Variants in FEZ2 observed in about 807,000 individuals in gnomAD.
The protein encoded by FEZ2 is fasciculation and elongation protein zeta-2.
FEZ2 carries 51 observed loss-of-function variants against 40.4 expected under a neutral mutation model. The observed-to-expected ratio is 1.26, with a 90% confidence interval of 1.01 to 1.59. FEZ2 has a LOEUF of 1.59. FEZ2 is among the 40% of genes most tolerant of loss of function. The pLI, the probability that FEZ2 is intolerant of heterozygous loss-of-function variation, is 0.00. For missense variants in FEZ2, 640 were observed against 438.3 expected (o/e 1.46, Z -4.11); for synonymous variants, 242 against 172.0 (o/e 1.41, Z -3.18).
chr2:36,579,443 T>C (rs986108585), intron 4 of FEZ2, among the ~76,000 whole-genome samples: 4 of 151,916 alleles, frequency 2.6e-5, no homozygotes, highest in Non-Finnish European at 5.9e-5. Flanking sequence ...TGGTGGGAGG[T>C]CACTGGATCA....
intron 1 of FEZ2, among the ~76,000 whole-genome samples, chr2:36,593,844 GTT>G (rs148103426): frequency 2.0e-5 from 3 of 146,914 alleles, no homozygotes; most frequent in African/African-American, 7.4e-5. Flanking sequence ...CAGAAAATGG[GTT>G]TTTTTTTTTT....
At chr2:36,585,019 A>C (rs1338152611) in intron 2 of FEZ2, among the ~76,000 whole-genome samples, 1 of 152,190 alleles carries the variant, frequency 6.6e-6, no homozygotes, top group East Asian at 1.9e-4. Context: ...TCAGCCTAGC[A>C]AAGGCCTGGC....
At position 36,597,949 on chromosome 2, in the gene FEZ2, G is replaced by A. The variant is rs982575915; in HGVS notation, c.194C>T (p.Ser65Leu). 52 of 1,459,408 alleles carry A rather than the reference G, an allele frequency of 3.6e-5. No individual in the cohort carries two copies. The highest frequency in any genetic ancestry group is 5.0e-5 in the Admixed American group (2 of 39,806). 90.4% of individuals were successfully genotyped at this position (1,459,408 alleles called of 1,614,324 possible). The change falls in exon 1 of 8, where the codon TCG (serine) becomes TTG (leucine). Residue 65 changes from serine to leucine, a missense_variant. Physicochemically the swap from Ser to Leu is moderately radical, Grantham distance 145. Transcript: ENST00000405912. ...CCTCGGGGGCTCGGCGCCCGGATCCGAGGGGCGGAAGCACAGGCTCAGCTT... is the reference window on the plus strand; with the variant it reads ...CCTCGGGGGCTCGGCGCCCGGATCCAAGGGGCGGAAGCACAGGCTCAGCTT... Reference protein sequence around the residue: ...EEKLSLCFRPSDPGAEPPRTA... With the variant: ...EEKLSLCFRPLDPGAEPPRTA...
intron 3 of FEZ2, 160 bp from the exon 4 acceptor site, chr2:36,581,591 C>A: frequency 1.6e-6 from 1 of 607,230 alleles, no homozygotes; most frequent in Admixed American, 3.1e-5. Context: ...AAAATTTTTA[C>A]TGTAGGAGTG....
intron 3 of FEZ2, among the ~76,000 whole-genome samples, chr2:36,582,446 T>C (rs559680597): frequency 6.6e-6 from 1 of 152,290 alleles, no homozygotes; most frequent in East Asian, 1.9e-4. Context: ...GAATCTGTTA[T>C]TCTAACTCTT....
intron 4 of FEZ2, 74 bp from the exon 5 acceptor site, chr2:36,578,939 G>T: frequency 8.0e-7 from 1 of 1,252,020 alleles, no homozygotes; most frequent in Non-Finnish European, 1.1e-6. Context: ...GTAGTCACTA[G>T]GAATGACTAA....
intron 5 of FEZ2, among the ~76,000 whole-genome samples, chr2:36,568,858 T>C (rs1668327008): frequency 6.6e-6 from 1 of 152,214 alleles, no homozygotes; most frequent in Admixed American, 6.5e-5. Flanking sequence ...AGTCCTTATC[T>C]GGAAACTTTT....
intron 2 of FEZ2, among the ~76,000 whole-genome samples, chr2:36,583,731 C>T (rs990736269): frequency 8.5e-5 from 13 of 152,206 alleles, no homozygotes; most frequent in African/African-American, 2.2e-4. Context: ...GAAAAAAATA[C>T]GGTATTCATT....
At chr2:36,558,217 A>G (rs1558440508) in intron 6 of FEZ2, 1 of 336,986 alleles carries the variant, frequency 3.0e-6, no homozygotes, top group Non-Finnish European at 5.4e-6. Context: ...AATATTTCAC[A>G]AGGTAAGAAA....
intron 5 of FEZ2, among the ~76,000 whole-genome samples, chr2:36,567,706 G>A (rs1668286807): frequency 6.6e-6 from 1 of 151,138 alleles, no homozygotes; most frequent in African/African-American, 2.4e-5. Context: ...AGGTTGCAGT[G>A]AGCCAAGATC....
chr2:36,585,634 G>C (rs1279009510), intron 2 of FEZ2, among the ~76,000 whole-genome samples: 3 of 152,080 alleles, frequency 2.0e-5, no homozygotes, highest in Admixed American at 6.6e-5. Flanking sequence ...CAAAAAGGCA[G>C]GTAGTATCCT....
chr2:36,571,723 A>G (rs1668417293), intron 5 of FEZ2, among the ~76,000 whole-genome samples: 1 of 146,980 alleles, frequency 6.8e-6, no homozygotes, highest in Non-Finnish European at 1.5e-5. Flanking sequence ...AAGGGGAAAA[A>G]GGCTGGGCAC....
At chr2:36,573,479 T>A (rs187266906) in intron 5 of FEZ2, among the ~76,000 whole-genome samples, 43 of 152,308 alleles carry the variant, frequency 2.8e-4, no homozygotes, top group Admixed American at 5.2e-4. Flanking sequence ...AAATCCCCAA[T>A]AGAACAATAA....
chr2:36,568,837 G>C (rs1668326307), intron 5 of FEZ2, among the ~76,000 whole-genome samples: 1 of 152,170 alleles, frequency 6.6e-6, no homozygotes. Context: ...TGTATTGAAA[G>C]TCTCAAAATC....
At chr2:36,562,137 T>C (rs1668109638) in intron 5 of FEZ2, among the ~76,000 whole-genome samples, 1 of 152,256 alleles carries the variant, frequency 6.6e-6, no homozygotes, top group Admixed American at 6.5e-5. Flanking sequence ...AAGCCAGATG[T>C]TAATGAGATT....
At position 36,576,609 on chromosome 2, in the gene FEZ2, G is replaced by A. The variant is rs542372588; in HGVS notation, c.903+1988C>T. 3.9e-5 allele frequency among the ~76,000 whole-genome samples: 6 copies of A among 152,316 alleles called. No individual in the cohort carries two copies. In the East Asian group the frequency reaches 7.7e-4, roughly 20 times the overall value. On this transcript the variant is annotated intron_variant, in intron 5 of 7. Coordinates refer to ENST00000405912, the MANE Select transcript of FEZ2 (RefSeq NM_005102.3). ...TAAAAGGATACAGGAAACTAGTACTGCAAGCTTAGCCGTGCCATTACTGAA... is the reference window on the plus strand; with the variant it reads ...TAAAAGGATACAGGAAACTAGTACTACAAGCTTAGCCGTGCCATTACTGAA...
At chr2:36,565,834 C>A (rs1246174275) in intron 5 of FEZ2, among the ~76,000 whole-genome samples, 1 of 152,166 alleles carries the variant, frequency 6.6e-6, no homozygotes, top group African/African-American at 2.4e-5. Flanking sequence ...TCCACTAGCA[C>A]CTCCGGTCTC....
In FEZ2 at chr2:36,590,991, T is replaced by G; in HGVS notation, c.287A>C (p.Asp96Ala). The G allele has an allele frequency of 6.2e-7, 1 of 1,608,134 alleles. No individual in the cohort carries two copies. Among genetic ancestry groups the G allele is most frequent in the Non-Finnish European group, 8.5e-7 (1 of 1,174,508 alleles). The change falls in exon 2 of 8, where the codon GAT becomes GCT. Residue 96 changes from aspartate to alanine, a missense_variant. Asp to Ala is a moderately radical substitution (Grantham distance 126). Coordinates refer to ENST00000405912, the MANE Select transcript of FEZ2 (RefSeq NM_005102.3). ...QGDEIWNALTDNYGNVMPVDW... is the reference protein window; with the variant it reads ...QGDEIWNALTANYGNVMPVDW... ...TACAGGCATCACATTCCCATAATTA[T>G]CTGTCAGGGCATTCCAAATCCTTAA...
intron 5 of FEZ2, among the ~76,000 whole-genome samples, chr2:36,567,197 C>G (rs1242354058): frequency 6.6e-6 from 1 of 151,870 alleles, no homozygotes; most frequent in Non-Finnish European, 1.5e-5. Flanking sequence ...ACACCAGAAC[C>G]CAAGAGCCTT....
Sources: gnomAD v4.1 joint callset for allele counts (sites outside exome capture counted in the v4.1 genomes callset) on GRCh38, gnomAD v4.1.1 for gene constraint, MANE v1.5 for transcripts, NCBI Gene and HGNC (gene_info 2026-07-23, HGNC 2026-07-21) for gene names.